The following EXOC7 variants were observed in gnomAD, a reference collection of about 807,000 sequenced individuals.
The protein encoded by EXOC7 is exocyst complex component 7, also known as exocyst complex component Exo70.
In EXOC7, 51 loss-of-function variants were observed where a neutral mutation model predicts 87.6. That is an observed-to-expected ratio of 0.58 (90% CI 0.46 to 0.73). The LOEUF is 0.73. Ranked by LOEUF, EXOC7 falls within the 30% of genes least tolerant of loss-of-function variation. The pLI, the probability that EXOC7 is intolerant of heterozygous loss-of-function variation, is 0.00. For synonymous variants in EXOC7, 327 were observed against 357.1 expected, an observed-to-expected ratio of 0.92 and a Z score of 0.95; for missense variants, 744 against 888.4, an observed-to-expected ratio of 0.84 and a Z score of 2.07.
intron 8 of EXOC7, 91 bp downstream of exon 8, chr17:76,089,081 AGGT>A (rs2067351833): frequency 3.0e-5 from 47 of 1,565,878 alleles, no homozygotes; most frequent in Non-Finnish European, 3.2e-5. Flanking sequence ...CCAGGGCACG[AGGT>A]GGTGGTGGTG....
Position 76,083,988 on chromosome 17 carries a change from G to A in EXOC7, c.1952+18C>T. The A allele has an allele frequency of 2.6e-6, 4 of 1,542,904 alleles. No homozygotes were observed. Among genetic ancestry groups the A allele is most frequent in the African/African-American group, 1.4e-5 (1 of 72,598 alleles). ...GGGCTGTGGGCAGCACAGGCTGGGA[G>A]GGGAATGGAGGCCTCACTTCTGTAG... On this transcript the variant is annotated intron_variant, in intron 18 of 18. Transcript: ENST00000589210.
chr17:76,097,102 C>A (rs1473644250), intron 5 of EXOC7, among the ~76,000 whole-genome samples: 4 of 152,268 alleles, frequency 2.6e-5, no homozygotes, highest in African/African-American at 9.6e-5. Flanking sequence ...CTCACCTCAG[C>A]CTCCCAAACT....
Position 76,082,054 on chromosome 17 carries a change from G to A in EXOC7, c.*1594C>T, listed in dbSNP as rs1339229566. ...CAGGGCCTCATCCTGCTGAAGGTGG[G>A]CAGGGGCTGGGGGGTAAGGAATGAG... On this transcript the variant is annotated 3_prime_UTR_variant, in exon 19 of 19. Coordinates refer to ENST00000589210, the MANE Select transcript of EXOC7 (RefSeq NM_001013839.4). The A allele has an allele frequency of 1.9e-6, 3 of 1,600,526 alleles. No homozygotes were observed. Among genetic ancestry groups the A allele is most frequent in the South Asian group, 2.2e-5 (2 of 89,688 alleles).
At chr17:76,088,637 T>G in intron 9 of EXOC7, 75 bp from the exon 10 acceptor site, 1 of 1,596,812 alleles carries the variant, frequency 6.3e-7, no homozygotes, top group Non-Finnish European at 8.6e-7. Context: ...GGGCCCTTCC[T>G]AAGCTGCTTC....
At chr17:76,088,274 C>T (rs1404044904) in intron 10 of EXOC7, 152 bp from the exon 11 acceptor site, 4 of 962,606 alleles carry the variant, frequency 4.2e-6, no homozygotes, top group Non-Finnish European at 6.4e-6. Context: ...GGGGAGAGGC[C>T]CTTCCCACTT....
At chr17:76,101,519 G>A (rs372269954) in intron 3 of EXOC7, 143 bp from the exon 4 acceptor site, 3 of 1,356,858 alleles carry the variant, frequency 2.2e-6, no homozygotes, top group Non-Finnish European at 3.0e-6. Flanking sequence ...TAAGGCCTAG[G>A]GCTTAAAAGG....
chr17:76,099,039 T>C (rs866217678), intron 4 of EXOC7, among the ~76,000 whole-genome samples: 5 of 152,246 alleles, frequency 3.3e-5, no homozygotes, highest in Middle Eastern at 3.4e-3. Context: ...ACCCACAGAA[T>C]GAGAGAAAAT....
intron 14 of EXOC7, 43 bp downstream of exon 14, chr17:76,085,633 AG>A: frequency 6.2e-7 from 1 of 1,613,636 alleles, no homozygotes; most frequent in South Asian, 1.1e-5. Context: ...TGCACAGCCG[AG>A]GGGAAGGTGA....
At chr17:76,087,155 G>A (rs2067248778) in intron 12 of EXOC7, 1 of 470,540 alleles carries the variant, frequency 2.1e-6, no homozygotes, top group Non-Finnish European at 3.9e-6. Context: ...GGGACGGGAG[G>A]AGAGGGCCCA....
intron 15 of EXOC7, 176 bp from the exon 16 acceptor site, chr17:76,084,756 A>C (rs2067134932): frequency 1.6e-6 from 1 of 608,814 alleles, no homozygotes; most frequent in East Asian, 2.8e-5. Flanking sequence ...TAAACTGGTC[A>C]CTTTTTGAGA....
chr17:76,091,083 C>T (rs1598317774), intron 7 of EXOC7, 60 bp downstream of exon 7: 2 of 1,491,740 alleles, frequency 1.3e-6, no homozygotes, highest in Non-Finnish European at 1.9e-6. Context: ...CTCTGCCCTG[C>T]CAAGTGCGTG....
In EXOC7 at chr17:76,088,774, G is replaced by A. The variant is rs202147348; in HGVS notation, c.1197C>T (p.Leu399=). 6 of 1,613,582 alleles carry A rather than the reference G, an allele frequency of 3.7e-6. No homozygotes were observed. In the African/African-American group the frequency reaches 5.3e-5, roughly 14 times the overall value. ...KQTKPEFDQV[L]QGTAASTKNK... ...TGAGGGCCCCTCGCCCACATACCTG[G>A]AGCACCTGGTCAAACTCAGGCTTGG... is the stretch of plus-strand genomic sequence containing the variant. The change falls in exon 9 of 19, where the codon CTC becomes CTT. Residue 399 remains leucine, a synonymous_variant. Coordinates refer to ENST00000589210, the MANE Select transcript of EXOC7 (RefSeq NM_001013839.4).
chr17:76,101,476 G>T lies in EXOC7; in HGVS notation c.312-100C>A, dbSNP rs143281891. 76 of 1,501,848 alleles carry T rather than the reference G, an allele frequency of 5.1e-5. No homozygotes were observed. In the East Asian group the frequency reaches 1.6e-3, roughly 31 times the overall value. The allele number at this position is 1,501,848 out of a possible 1,614,324, so 93.0% of individuals were successfully genotyped here. The stretch of plus-strand genomic sequence containing the variant: ...AAGAAAATTAATACAGGGGACTCCA[G>T]GCTCAAATATATTCTATCCCCCCAC... On this transcript the variant is annotated intron_variant, in intron 3 of 18. Coordinates refer to ENST00000589210, the MANE Select transcript of EXOC7 (RefSeq NM_001013839.4).
Position 76,101,390 on chromosome 17 carries a change from G to T in EXOC7, c.312-14C>A. On this transcript the variant is annotated splice_polypyrimidine_tract_variant and intron_variant, in intron 3 of 18. Coordinates refer to ENST00000589210, the MANE Select transcript of EXOC7 (RefSeq NM_001013839.4). ...CTACCTGTGGGGCTGGGAAAGAAAA[G>T]AGCCAGGTCAGGCTGGGGCATGGGG... The T allele has an allele frequency of 1.2e-6, 2 of 1,613,970 alleles. No individual in the cohort carries two copies. The highest frequency in any genetic ancestry group is 1.7e-5 in the Admixed American group (1 of 59,976).
In EXOC7 at chr17:76,081,778, G is replaced by T; in HGVS notation, c.*1870C>A. The T allele has an allele frequency of 6.2e-7, 1 of 1,613,796 alleles. No homozygotes were observed. On this transcript the variant is annotated 3_prime_UTR_variant, in exon 19 of 19. Coordinates refer to ENST00000589210, the MANE Select transcript of EXOC7 (RefSeq NM_001013839.4). ...TCAGTAAGCCCTGCTCCCTTACCCA[G>T]TCTGCCCTGTTTCTCCCCGGTCACC...
At position 76,087,639 on chromosome 17, in the gene EXOC7, G is replaced by A. The variant is rs902041907; in HGVS notation, c.1429+15C>T. 3.0e-5 allele frequency: 47 copies of A among 1,550,456 alleles called. No individual in the cohort carries two copies. Among genetic ancestry groups the A allele is most frequent in the Admixed American group, 7.8e-5 (4 of 50,978 alleles). On this transcript the variant is annotated intron_variant, in intron 12 of 18. Transcript: ENST00000589210. Reference sequence around the variant, plus strand: ...GGCGAGTGGGGCAGGGGGCCCAACTGGGAGGTACCAGTACCTTGGGAGGCC... The same window carrying A: ...GGCGAGTGGGGCAGGGGGCCCAACTAGGAGGTACCAGTACCTTGGGAGGCC...
chr17:76,090,592 G>T, intron 7 of EXOC7: 1 of 1,028,436 alleles, frequency 9.7e-7, no homozygotes, highest in Non-Finnish European at 1.4e-6. Flanking sequence ...TTTCAAGCCT[G>T]ACTTCAGTGA....
At chr17:76,087,992 C>T in intron 11 of EXOC7, 68 bp downstream of exon 11, 1 of 1,570,330 alleles carries the variant, frequency 6.4e-7, no homozygotes, top group Non-Finnish European at 8.8e-7. Context: ...CAGTACTCTG[C>T]CTGGCCCTGG....
At chr17:76,086,982 CGGCAT>C (rs1404130745) in intron 12 of EXOC7, 45 of 1,196,828 alleles carry the variant, frequency 3.8e-5, no homozygotes, top group Admixed American at 2.0e-5. Flanking sequence ...AGGTTAGAAA[CGGCAT>C]GTCAACCCGA....
Sources: gnomAD v4.1 joint callset for allele counts (sites outside exome capture counted in the v4.1 genomes callset) on GRCh38, gnomAD v4.1.1 for gene constraint, MANE v1.5 for transcripts, NCBI Gene and HGNC (gene_info 2026-07-23, HGNC 2026-07-21) for gene names.